MMP15: variants seen among roughly 807,000 people sequenced by gnomAD.
The protein encoded by MMP15 is matrix metalloproteinase-15.
In MMP15, 36 loss-of-function variants were observed where a neutral mutation model predicts 65.0. That is an observed-to-expected ratio of 0.55 (90% CI 0.42 to 0.73). The LOEUF is 0.73. Among genes scored for constraint, MMP15 ranks in the 30% least tolerant of loss-of-function variants. The pLI, the probability that MMP15 is intolerant of heterozygous loss-of-function variation, is 0.00. For missense variants in MMP15, 870 were observed against 987.8 expected, an observed-to-expected ratio of 0.88 and a Z score of 1.60; for synonymous variants, 428 against 410.2, an observed-to-expected ratio of 1.04 and a Z score of -0.52.
intron 1 of MMP15, among the ~76,000 whole-genome samples, chr16:58,031,315 C>T (rs1963887121): frequency 1.3e-5 from 2 of 152,174 alleles, no homozygotes; most frequent in South Asian, 4.1e-4. Context: ...CTGCTGGGCC[C>T]GATCCAGGTG....
At position 58,045,313 on chromosome 16, in the gene MMP15, T is replaced by G; in HGVS notation, c.1877T>G (p.Val626Gly). 1 of 1,609,764 alleles carries G rather than the reference T, an allele frequency of 6.2e-7. No homozygotes were observed. Among genetic ancestry groups the G allele is most frequent in the Non-Finnish European group, 8.5e-7 (1 of 1,179,180 alleles). ...QMEEVARTVN[V>G]VMVLVPLLLL... is the part of the protein sequence containing the mutation. ...GAGGAGGTGGCACGGACGGTGAACG[T>G]GGTGATGGTGCTGGTGCCACTGCTG... Residue 626 changes from valine to glycine, a missense_variant, in exon 10 of 10, where the codon GTG (valine) becomes GGG (glycine). Transcript: ENST00000219271.
At chr16:58,040,984 A>G (rs2142330058) in intron 5 of MMP15, 1 of 507,078 alleles carries the variant, frequency 2.0e-6, no homozygotes, top group South Asian at 2.0e-5. Flanking sequence ...CCTTGGCAGT[A>G]TTCTTACTAG....
intron 1 of MMP15, among the ~76,000 whole-genome samples, chr16:58,027,128 G>C (rs1963832510): frequency 6.6e-6 from 1 of 152,216 alleles, no homozygotes; most frequent in South Asian, 2.1e-4. Context: ...AGGAAGCCTA[G>C]GCACGCCCGG....
rs1365268978 is a variant in MMP15 at position 58,046,706 on chromosome 16, C to T, written c.*1260C>T. On this transcript the variant is annotated 3_prime_UTR_variant, in exon 10 of 10. Transcript: ENST00000219271. The stretch of plus-strand genomic sequence containing the variant: ...AGTCTGCCACCCAGGATCCCCAAGG[C>T]ACTTGAGGGGGAAGGATTCTGCTGG... 1.3e-5 allele frequency: 2 copies of T among 152,790 alleles called. No homozygotes were observed. Among genetic ancestry groups the T allele is most frequent in the Non-Finnish European group, 2.9e-5 (2 of 68,156 alleles). The allele number at this position is 152,790 out of a possible 1,614,324, so 9.5% of individuals were successfully genotyped here.
chr16:58,028,159 ACTCT>A (rs887628548), intron 1 of MMP15, among the ~76,000 whole-genome samples: 13 of 151,778 alleles, frequency 8.6e-5, no homozygotes, highest in Middle Eastern at 3.4e-3. Flanking sequence ...GAGGGGCTTC[ACTCT>A]CTCTCTCTTC....
In MMP15 at chr16:58,026,397, G is replaced by C. The variant is rs1002421077; in HGVS notation, c.47G>C (p.Ser16Thr). 85 of 1,414,676 alleles carry C rather than the reference G, an allele frequency of 6.0e-5. No individual in the cohort carries two copies. Among genetic ancestry groups the C allele is most frequent in the Non-Finnish European group, 7.4e-5 (81 of 1,090,906 alleles). The allele number at this position is 1,414,676 out of a possible 1,614,324, so 87.6% of individuals were successfully genotyped here. A position where few individuals can be genotyped will look rare whatever the true frequency, so the allele number is the denominator to read the frequency against. ...CCCGGACGGCCGGGCTGGACGGGCA[G>C]CCTCCTCGGCGACCGGGAGGAGGCG... is the stretch of plus-strand genomic sequence containing the variant. ...SAPGRPGWTG[S>T]LLGDREEAAR... The change falls in exon 1 of 10, where the codon AGC (serine) becomes ACC (threonine). Residue 16 changes from serine (S) to threonine (T), a missense_variant. By Grantham distance (58) the Ser-to-Thr change is moderately conservative (BLOSUM62 1). Coordinates refer to ENST00000219271, the MANE Select transcript of MMP15 (RefSeq NM_002428.4).
At chr16:58,029,338 CAG>C (rs1225677731) in intron 1 of MMP15, among the ~76,000 whole-genome samples, 6 of 152,234 alleles carry the variant, frequency 3.9e-5, no homozygotes, top group African/African-American at 1.2e-4. Context: ...TTCTTTTAAA[CAG>C]AGCAAAACTA....
rs1385243450 is a variant in MMP15 at position 58,045,791 on chromosome 16, C to G, written c.*345C>G. ...AGAGCAGCACCTCCTCAGCCTGAAC[C>G]CCAGGGCTGTAACTGCCAGGCTCTC... On this transcript the variant is annotated 3_prime_UTR_variant, in exon 10 of 10. Coordinates refer to ENST00000219271, the MANE Select transcript of MMP15 (RefSeq NM_002428.4). 3.6e-6 allele frequency: 1 copy of G among 277,306 alleles called. No individual in the cohort carries two copies. The highest frequency in any genetic ancestry group is 6.7e-6 in the Non-Finnish European group (1 of 148,158). The allele number at this position is 277,306 out of a possible 1,614,324, so 17.2% of individuals were successfully genotyped here. A position where few individuals can be genotyped will look rare whatever the true frequency, so the allele number is the denominator to read the frequency against.
At chr16:58,041,376 G>A (rs1211326592) in intron 5 of MMP15, among the ~76,000 whole-genome samples, 1 of 152,202 alleles carries the variant, frequency 6.6e-6, no homozygotes, top group African/African-American at 2.4e-5. Flanking sequence ...TCCCCAAGGG[G>A]ACATGCAGGC....
At position 58,037,470 on chromosome 16, in the gene MMP15, A is replaced by C. The variant is rs753340563; in HGVS notation, c.163-2A>C. 1 of 1,613,572 alleles carries C rather than the reference A, an allele frequency of 6.2e-7. No individual in the cohort carries two copies. The highest frequency in any genetic ancestry group is 8.5e-7 in the Non-Finnish European group (1 of 1,179,786). ...GCTGACAGAGTTGCGGCTTCTTTGC[A>C]GAACTGGCTGCGGCTTTATGGCTAC... On this transcript the variant is annotated splice_acceptor_variant, in intron 1 of 9. Transcript: ENST00000219271. LOFTEE classifies it high-confidence loss of function.
At chr16:58,037,139 T>C (rs1959347367) in intron 1 of MMP15, among the ~76,000 whole-genome samples, 1 of 152,122 alleles carries the variant, frequency 6.6e-6, no homozygotes, top group Non-Finnish European at 1.5e-5. Context: ...CATGCCCGGC[T>C]GGGGTGGATG....
chr16:58,036,025 A>G (rs1020452073), intron 1 of MMP15, among the ~76,000 whole-genome samples: 1 of 152,190 alleles, frequency 6.6e-6, no homozygotes, highest in Admixed American at 6.5e-5. Flanking sequence ...GCCGGCCAAT[A>G]TGGCTGTCAG....
At chr16:58,039,773 C>T (rs1959409207) in intron 3 of MMP15, 102 bp from the exon 4 acceptor site, 5 of 1,177,564 alleles carry the variant, frequency 4.2e-6, no homozygotes, top group South Asian at 1.6e-5. Context: ...TTGATAATGA[C>T]GGGCTTGTTG....
intron 1 of MMP15, among the ~76,000 whole-genome samples, chr16:58,034,625 T>G (rs1959294153): frequency 6.6e-6 from 1 of 152,192 alleles, no homozygotes; most frequent in Non-Finnish European, 1.5e-5. Flanking sequence ...AAGGCCGTGT[T>G]TCTGCCTACC....
intron 1 of MMP15, 118 bp downstream of exon 1, chr16:58,026,630 G>A: frequency 8.7e-7 from 1 of 1,144,116 alleles, no homozygotes; most frequent in Non-Finnish European, 1.1e-6. Flanking sequence ...GTTCTGGGCC[G>A]TGGCGGGGAA....
At position 58,041,688 on chromosome 16, in the gene MMP15, G is replaced by C. The variant is rs1488703094; in HGVS notation, c.982G>C (p.Asp328His). The C allele has an allele frequency of 1.9e-6, 3 of 1,579,000 alleles. No individual in the cohort carries two copies. The highest frequency in any genetic ancestry group is 1.7e-6 in the Non-Finnish European group (2 of 1,162,830). ...GACGCCACGGCGGCCAGGCCGGCCT[G>C]ACCACCGGCCGCCCCGGCCTCCCCA... ...TVTPRRPGRP[D>H]HRPPRPPQPP... Residue 328 changes from aspartate (D) to histidine (H), a missense_variant, in exon 6 of 10, where the codon GAC (aspartate) becomes CAC (histidine). By Grantham distance (81) the Asp-to-His change is moderately conservative. Transcript: ENST00000219271.
chr16:58,026,237 G>A lies in MMP15; in HGVS notation c.-114G>A, dbSNP rs961163673. ...TAGGCGGCTCCGGCGGGGACCGGGAGCCCGAGGTCCGCGGCGCGCCTGCCG... is the reference window on the plus strand; with the variant it reads ...TAGGCGGCTCCGGCGGGGACCGGGAACCCGAGGTCCGCGGCGCGCCTGCCG... On this transcript the variant is annotated 5_prime_UTR_variant, in exon 1 of 10. Transcript: ENST00000219271. 87 of 1,158,978 alleles carry A rather than the reference G, an allele frequency of 7.5e-5. No homozygotes were observed. Among genetic ancestry groups the A allele is most frequent in the Non-Finnish European group, 1.8e-5 (17 of 920,716 alleles). 71.8% of individuals were successfully genotyped at this position (1,158,978 alleles called of 1,614,324 possible).
rs895731315 is a variant in MMP15 at position 58,043,714 on chromosome 16, G to A, written c.1570+87G>A. ...GGGCAGGGCTTGCCCAAGGTCACCC[G>A]GCACTGTGATGGTGTGTATGGGTGA... On this transcript the variant is annotated intron_variant, in intron 9 of 9. Transcript: ENST00000219271. The A allele has an allele frequency of 2.6e-5, 25 of 976,550 alleles. No individual in the cohort carries two copies. In the Admixed American group the frequency reaches 3.3e-4, roughly 13 times the overall value. The allele number at this position is 976,550 out of a possible 1,614,324, so 60.5% of individuals were successfully genotyped here.
intron 1 of MMP15, among the ~76,000 whole-genome samples, chr16:58,036,537 A>G (rs1959333619): frequency 6.6e-6 from 1 of 152,204 alleles, no homozygotes; most frequent in Non-Finnish European, 1.5e-5. Flanking sequence ...AGGGAAGGGC[A>G]CACCCATTGT....
Sources: allele counts gnomAD v4.1 joint callset (sites outside exome capture counted in the v4.1 genomes callset), GRCh38; gene constraint gnomAD v4.1.1; transcripts MANE v1.5; gene names NCBI Gene and HGNC (gene_info 2026-07-23, HGNC 2026-07-21).